The following SYTL2 variants were observed in gnomAD, a reference collection of about 807,000 sequenced individuals.
SYTL2 encodes synaptotagmin like 2.
A neutral mutation model predicts 198.7 loss-of-function variants in SYTL2; 165 were observed. The observed-to-expected ratio is 0.83, with a 90% CI of 0.73 to 0.94. The LOEUF (loss-of-function observed/expected upper bound fraction) is 0.94. Ranked by LOEUF, SYTL2 falls within the 40% of genes least tolerant of loss-of-function variation. SYTL2 has a pLI of 0.00. For missense variants in SYTL2, 2,835 were observed against 2,582.8 expected (o/e 1.10, Z -2.12); for synonymous variants, 966 against 917.7 (o/e 1.05, Z -0.95).
At position 85,727,972 on chromosome 11, in the gene SYTL2, A is replaced by T; in HGVS notation, c.1391-5T>A. ...CAACACAATGAGACAGTTCATCTGC[A>T]ACATAGAAATACTTTTCTAAATAAG... On this transcript the variant is annotated splice_polypyrimidine_tract_variant and splice_region_variant and intron_variant, in intron 7 of 19. Coordinates refer to ENST00000359152, the MANE Select transcript of SYTL2 (RefSeq NM_206927.4). The T allele has an allele frequency of 6.4e-7, 1 of 1,571,646 alleles. No homozygotes were observed. The highest frequency in any genetic ancestry group is 8.6e-7 in the Non-Finnish European group (1 of 1,164,490).
At chr11:85,782,790 C>A (rs948540580) in intron 1 of SYTL2, among the ~76,000 whole-genome samples, 3 of 152,184 alleles carry the variant, frequency 2.0e-5, no homozygotes, top group African/African-American at 7.2e-5. Flanking sequence ...CAAAATGCCA[C>A]CAGTCTCTTT....
At chr11:85,715,682 T>A (rs953209532) in intron 11 of SYTL2, among the ~76,000 whole-genome samples, 2 of 152,120 alleles carry the variant, frequency 1.3e-5, no homozygotes, top group Admixed American at 6.5e-5. Flanking sequence ...TAAATGCACA[T>A]CAGAATGCAT....
At chr11:85,719,091 A>G in intron 9 of SYTL2, 1 of 1,494,956 alleles carries the variant, frequency 6.7e-7, no homozygotes, top group Non-Finnish European at 8.9e-7. Context: ...CCCAAGGGTT[A>G]GAGGGTTAGT....
At chr11:85,753,750 G>C (rs1026022788) in intron 2 of SYTL2, among the ~76,000 whole-genome samples, 1 of 124,214 alleles carries the variant, frequency 8.1e-6, no homozygotes, top group Non-Finnish European at 1.6e-5. Flanking sequence ...GGGTCACAGA[G>C]AGAAACTCTC....
chr11:85,837,960 C>A, the SYTL2 span, among the ~76,000 whole-genome samples: 1 of 152,158 alleles, frequency 6.6e-6, no homozygotes, highest in East Asian at 1.9e-4. Flanking sequence ...TGGCCTCTAC[C>A]CACTAATTAT....
intron 1 of SYTL2, among the ~76,000 whole-genome samples, chr11:85,780,260 T>C (rs1034375429): frequency 1.3e-5 from 2 of 152,220 alleles, no homozygotes; most frequent in Non-Finnish European, 2.9e-5. Flanking sequence ...ATGAAATGTC[T>C]CTCTGTGATA....
At position 85,725,222 on chromosome 11, in the gene SYTL2, C is replaced by T. The variant is rs2088964661; in HGVS notation, c.4136G>A (p.Gly1379Glu). Reference sequence around the variant, plus strand: ...AGCTGGATAACTTAACCATACTTCTCCACACAGCTTCTGTAATGCAGCACT... The same window carrying T: ...AGCTGGATAACTTAACCATACTTCTTCACACAGCTTCTGTAATGCAGCACT... ...DVSAALQKLC[G>E]EVWLSYPAGR... is the part of the protein sequence containing the mutation. The change falls in exon 8 of 20, where the codon GGA becomes GAA. Residue 1379 changes from glycine to glutamate, a missense_variant. Transcript: ENST00000359152. The T allele has an allele frequency of 6.2e-7, 1 of 1,614,048 alleles. No homozygotes were observed. Among genetic ancestry groups the T allele is most frequent in the South Asian group, 1.1e-5 (1 of 91,086 alleles).
At position 85,724,265 on chromosome 11, in the gene SYTL2, A is replaced by C; in HGVS notation, c.5093T>G (p.Leu1698Arg). The change falls in exon 8 of 20, where the codon CTT becomes CGT. Residue 1698 changes from leucine to arginine, a missense_variant. Transcript: ENST00000359152. ...ESGVAGGQGT[L>R]QEPGFGEASE... Reference sequence around the variant, plus strand: ...AGCCTCTCCAAAGCCAGGTTCCTGAAGAGTCCCTTGTCCCCCTGCAACCCC... The same window carrying C: ...AGCCTCTCCAAAGCCAGGTTCCTGACGAGTCCCTTGTCCCCCTGCAACCCC... 6.4e-7 allele frequency: 1 copy of C among 1,566,006 alleles called. No homozygotes were observed. Among genetic ancestry groups the C allele is most frequent in the Non-Finnish European group, 8.6e-7 (1 of 1,161,976 alleles).
rs35751209 is a variant in SYTL2, at chr11:85,734,691, T to C, written c.638A>G (p.Gln213Arg). 0.023 allele frequency: 36,786 copies of C among 1,614,054 alleles called. 588 individuals carry two copies. The highest frequency in any genetic ancestry group is 0.051 in the Admixed American group (3,032 of 60,008). The change falls in exon 7 of 20, where the codon CAA (glutamine) becomes CGA (arginine). Residue 213 changes from glutamine to arginine, a missense_variant. Physicochemically the swap from Gln to Arg is conservative, Grantham distance 43 (BLOSUM62 1). Transcript: ENST00000359152. ...AGTCTGCTTTGATTTCTCTAACTTT[T>C]GGATTGAAGTATCTGCGACAGTTGA... ...EKSTVADTSI[Q>R]KLEKSKQTLP...
intron 4 of SYTL2, among the ~76,000 whole-genome samples, chr11:85,739,569 G>A (rs2090627524): frequency 6.6e-6 from 1 of 152,072 alleles, no homozygotes; most frequent in Non-Finnish European, 1.5e-5. Flanking sequence ...CTACTTCCTA[G>A]TAGCTTTGTT....
chr11:85,812,250 A>G (rs916658500), upstream of SYTL2, among the ~76,000 whole-genome samples: 9 of 152,196 alleles, frequency 5.9e-5, no homozygotes, highest in Admixed American at 1.3e-4. Context: ...AGTGTTGTCC[A>G]TTTAACTGAG....
intron 1 of SYTL2, among the ~76,000 whole-genome samples, chr11:85,805,075 G>C (rs2092940307): frequency 6.6e-6 from 1 of 152,128 alleles, no homozygotes; most frequent in Non-Finnish European, 1.5e-5. Context: ...TCATTTTATA[G>C]ACACATGGAG....
chr11:85,783,224 TTTTTTACATGG>T (rs1346997291), intron 1 of SYTL2, among the ~76,000 whole-genome samples: 4 of 152,152 alleles, frequency 2.6e-5, no homozygotes, highest in African/African-American at 9.7e-5. Flanking sequence ...AAACATGTCC[TTTTTTACATGG>T]TGGCAGCAAG....
intron 12 of SYTL2, among the ~76,000 whole-genome samples, chr11:85,713,124 G>A (rs2086607110): frequency 6.6e-6 from 1 of 152,146 alleles, no homozygotes; most frequent in Non-Finnish European, 1.5e-5. Flanking sequence ...ACTGTAACAT[G>A]TGCTCTTAAC....
At chr11:85,849,204 G>C in the SYTL2 span, among the ~76,000 whole-genome samples, 2 of 152,330 alleles carry the variant, frequency 1.3e-5, no homozygotes, top group East Asian at 3.9e-4. Context: ...TTTGTCAGAT[G>C]AGTAGGTTGT....
the SYTL2 span, among the ~76,000 whole-genome samples, chr11:85,839,871 T>C: frequency 6.6e-6 from 1 of 152,210 alleles, no homozygotes; most frequent in Non-Finnish European, 1.5e-5. Flanking sequence ...CTGTTCTCCA[T>C]AGTGGTTGTA....
chr11:85,735,927 C>T (rs1417521259), intron 6 of SYTL2, among the ~76,000 whole-genome samples: 1 of 152,202 alleles, frequency 6.6e-6, no homozygotes, highest in Non-Finnish European at 1.5e-5. Context: ...CCCCTAACCA[C>T]TCTTTAATGC....
chr11:85,733,888 C>A, intron 7 of SYTL2, 51 bp downstream of exon 7: 1 of 1,523,198 alleles, frequency 6.6e-7, no homozygotes, highest in Admixed American at 1.7e-5. Context: ...CGTGAGCCAC[C>A]GCGCCCGGCC....
intron 1 of SYTL2, among the ~76,000 whole-genome samples, chr11:85,796,300 G>C (rs372298165): frequency 6.6e-6 from 1 of 152,118 alleles, no homozygotes; most frequent in East Asian, 1.9e-4. Flanking sequence ...GATGATTCAC[G>C]TTAAACACCC....
Sources: allele counts gnomAD v4.1 joint callset (sites outside exome capture counted in the v4.1 genomes callset), GRCh38; gene constraint gnomAD v4.1.1; transcripts MANE v1.5; gene names NCBI Gene and HGNC (gene_info 2026-07-23, HGNC 2026-07-21).